Variants in CSTPP1 observed in about 807,000 individuals in gnomAD.
CSTPP1 encodes the protein centriolar satellite-associated tubulin polyglutamylase complex regulator 1, also known as UPF0705 protein C11orf49.
the CSTPP1 span, among the ~76,000 whole-genome samples, chr11:47,101,283 C>G: frequency 6.8e-6 from 1 of 147,726 alleles, no homozygotes; most frequent in Non-Finnish European, 1.5e-5. Context: ...AGCCTCTATT[C>G]CAAGGGAATT....
At chr11:46,995,170 C>T in the CSTPP1 span, among the ~76,000 whole-genome samples, 1 of 151,954 alleles carries the variant, frequency 6.6e-6, no homozygotes, top group Non-Finnish European at 1.5e-5. Flanking sequence ...TCTCTCTTTT[C>T]TTCTTTATTA....
chr11:46,998,332 T>C, the CSTPP1 span, among the ~76,000 whole-genome samples: 1 of 152,228 alleles, frequency 6.6e-6, no homozygotes, highest in Non-Finnish European at 1.5e-5. Context: ...TAAGGCTGAC[T>C]GTAGGCAGCT....
the CSTPP1 span, among the ~76,000 whole-genome samples, chr11:47,025,999 A>G: frequency 6.6e-6 from 1 of 152,188 alleles, no homozygotes; most frequent in Non-Finnish European, 1.5e-5. Flanking sequence ...AGGGGAAGGA[A>G]TGGCAGGATC....
chr11:46,976,189 T>C, the CSTPP1 span, among the ~76,000 whole-genome samples: 1 of 152,242 alleles, frequency 6.6e-6, no homozygotes, highest in Non-Finnish European at 1.5e-5. Flanking sequence ...TCTAAAATTA[T>C]ATGCAACATA....
At chr11:47,014,919 A>G in the CSTPP1 span, among the ~76,000 whole-genome samples, 1 of 152,178 alleles carries the variant, frequency 6.6e-6, no homozygotes, top group Admixed American at 6.5e-5. Flanking sequence ...AAATTAGTGA[A>G]GCCAAGCAGG....
chr11:47,147,537 G>A, the CSTPP1 span, among the ~76,000 whole-genome samples: 1 of 152,136 alleles, frequency 6.6e-6, no homozygotes, highest in African/African-American at 2.4e-5. Flanking sequence ...TGTCTACAGG[G>A]AAGCAGCAGC....
the CSTPP1 span, among the ~76,000 whole-genome samples, chr11:47,059,186 C>T: frequency 2.6e-5 from 4 of 152,068 alleles, no homozygotes; most frequent in Non-Finnish European, 2.9e-5. Context: ...CACACCAGGT[C>T]CTGTTGGGGG....
chr11:47,062,719 C>A, the CSTPP1 span, among the ~76,000 whole-genome samples: 1 of 152,212 alleles, frequency 6.6e-6, no homozygotes, highest in Non-Finnish European at 1.5e-5. Context: ...TGAAAGGTAT[C>A]ACAAACTAGT....
chr11:47,136,819 A>G, the CSTPP1 span, among the ~76,000 whole-genome samples: 1 of 152,138 alleles, frequency 6.6e-6, no homozygotes, highest in Non-Finnish European at 1.5e-5. Context: ...ATACTTACAC[A>G]TTCTTACTCC....
the CSTPP1 span, among the ~76,000 whole-genome samples, chr11:47,007,832 G>A: frequency 6.6e-6 from 1 of 152,242 alleles, no homozygotes; most frequent in African/African-American, 2.4e-5. Context: ...AATCCCATGA[G>A]GGTTTGAAAG....
the CSTPP1 span, among the ~76,000 whole-genome samples, chr11:47,154,743 T>C: frequency 6.6e-6 from 1 of 152,210 alleles, no homozygotes; most frequent in South Asian, 2.1e-4. Context: ...CTGTTCTTTT[T>C]GCCTTTTCTG....
the CSTPP1 span, among the ~76,000 whole-genome samples, chr11:47,054,402 T>G: frequency 6.6e-6 from 1 of 151,616 alleles, no homozygotes; most frequent in Admixed American, 6.6e-5. Context: ...ACCTTGAGCT[T>G]CCAGGCTCAA....
the CSTPP1 span, among the ~76,000 whole-genome samples, chr11:47,136,019 C>A: frequency 6.6e-6 from 1 of 151,954 alleles, no homozygotes; most frequent in Non-Finnish European, 1.5e-5. Context: ...TTCCTTCATT[C>A]TGTTATCTTC....
the CSTPP1 span, among the ~76,000 whole-genome samples, chr11:46,961,589 A>G: frequency 1.3e-5 from 2 of 152,088 alleles, no homozygotes; most frequent in African/African-American, 4.8e-5. Flanking sequence ...ATGAAGTCCA[A>G]TTTATTTTTT....
the CSTPP1 span, among the ~76,000 whole-genome samples, chr11:46,957,199 G>T: frequency 1.3e-5 from 2 of 151,926 alleles, no homozygotes; most frequent in African/African-American, 4.8e-5. Context: ...CTTCAGTCTG[G>T]CCTGGTTGCT....
chr11:47,087,000 A>G, the CSTPP1 span, among the ~76,000 whole-genome samples: 1 of 152,176 alleles, frequency 6.6e-6, no homozygotes, highest in African/African-American at 2.4e-5. Context: ...GACTTTGACA[A>G]CATCTCCATG....
chr11:47,044,623 C>T, the CSTPP1 span, among the ~76,000 whole-genome samples: 55 of 151,996 alleles, frequency 3.6e-4, no homozygotes, highest in Admixed American at 9.2e-4. Flanking sequence ...GGCAAAGAAG[C>T]AATATTTTAA....
chr11:46,991,003 G>A, the CSTPP1 span, among the ~76,000 whole-genome samples: 6 of 151,974 alleles, frequency 3.9e-5, no homozygotes, highest in South Asian at 2.1e-4. Flanking sequence ...TTTTTGTACC[G>A]GTACCATGCA....
At chr11:46,991,522 T>C in the CSTPP1 span, 1 of 152,178 alleles carries the variant, frequency 6.6e-6, no homozygotes, top group Non-Finnish European at 1.5e-5. Flanking sequence ...TGAGATTGAA[T>C]AGCCTTGCTT....
Sources: gnomAD v4.1 joint callset for allele counts (sites outside exome capture counted in the v4.1 genomes callset) on GRCh38, gnomAD v4.1.1 for gene constraint, MANE v1.5 for transcripts, NCBI Gene and HGNC (gene_info 2026-07-23, HGNC 2026-07-21) for gene names.